Variants in MSRA observed in about 807,000 individuals in gnomAD.
MSRA encodes mitochondrial peptide methionine sulfoxide reductase.
MSRA carries 54 observed loss-of-function variants against 31.3 expected under a neutral mutation model. The ratio of observed to expected loss-of-function variants is 1.73; its 90% CI spans 1.39 to 2.17. The LOEUF (loss-of-function observed/expected upper bound fraction) is 2.17, where lower values mean the gene tolerates loss of function less well. Ranked by LOEUF, MSRA falls within the 30% of genes most tolerant of loss-of-function variation. The pLI, the probability that MSRA is intolerant of heterozygous loss-of-function variation, is 0.00. For missense variants in MSRA, 507 were observed against 300.9 expected, an observed-to-expected ratio of 1.69 and a Z score of -5.07; for synonymous variants, 169 against 116.5, an observed-to-expected ratio of 1.45 and a Z score of -2.90.
chr8:10,332,907 G>C lies in MSRA; in HGVS notation c.543+12918G>C, dbSNP rs184039699. Reference sequence around the variant, plus strand: ...TTTGTATGACTGCCCTCTGCTGGCTGTAGGCCTTTGCTGCAGTGGCAGGAT... The same window carrying C: ...TTTGTATGACTGCCCTCTGCTGGCTCTAGGCCTTTGCTGCAGTGGCAGGAT... On this transcript the variant is annotated intron_variant, in intron 5 of 5. Transcript: ENST00000317173. 2.0e-5 allele frequency among the ~76,000 whole-genome samples: 3 copies of C among 152,366 alleles called. No individual in the cohort carries two copies. The East Asian group carries it at 5.8e-4, about 29-fold the overall frequency.
In MSRA at chr8:10,254,616, A is replaced by T. The variant is rs893822063; in HGVS notation, c.331+9393A>T. Among the ~76,000 whole-genome samples the T allele has an allele frequency of 2.0e-5, 3 of 152,286 alleles. No individual in the cohort carries two copies. In the South Asian group the frequency reaches 6.2e-4, roughly 32 times the overall value. On this transcript the variant is annotated intron_variant, in intron 3 of 5. Transcript: ENST00000317173. ...GCAGCATCAGTGCTGCCCCTTACACAGGTGCCAGGGGTCAGAGACACTTGC... is the reference window on the plus strand; with the variant it reads ...GCAGCATCAGTGCTGCCCCTTACACTGGTGCCAGGGGTCAGAGACACTTGC...
At chr8:10,297,045 C>G (rs557983058) in intron 3 of MSRA, among the ~76,000 whole-genome samples, 8 of 152,286 alleles carry the variant, frequency 5.3e-5, no homozygotes, top group African/African-American at 1.9e-4. Context: ...GGATAGGAAG[C>G]TGTGCTGGAG....
intron 5 of MSRA, among the ~76,000 whole-genome samples, chr8:10,321,369 T>C (rs1802032804): frequency 6.6e-6 from 1 of 152,014 alleles, no homozygotes; most frequent in African/African-American, 2.4e-5. Flanking sequence ...AACTAGAGTG[T>C]CCACTGGTGA....
intron 1 of MSRA, among the ~76,000 whole-genome samples, chr8:10,111,930 G>A (rs957274196): frequency 6.6e-6 from 1 of 152,210 alleles, no homozygotes; most frequent in African/African-American, 2.4e-5. Context: ...TGCAGCAGCT[G>A]AGGTCATAGC....
chr8:10,289,463 T>C (rs1800116214), intron 3 of MSRA, among the ~76,000 whole-genome samples: 1 of 152,108 alleles, frequency 6.6e-6, no homozygotes, highest in African/African-American at 2.4e-5. Flanking sequence ...AGGAATCACA[T>C]CATGGAGAAT....
intron 5 of MSRA, among the ~76,000 whole-genome samples, chr8:10,351,391 C>G (rs112874264): frequency 2.0e-5 from 3 of 151,630 alleles, no homozygotes; most frequent in Non-Finnish European, 2.9e-5. Flanking sequence ...GCATCTGGGA[C>G]CACAGGCATG....
rs149353041 is a variant in MSRA, at chr8:10,179,316, T to C, written c.143-28517T>C. ...ACCAAGGACAGAAGGAAGACAGGGT[T>C]CATCTTCTCTTTCTAATCGTGGGAC... On this transcript the variant is annotated intron_variant, in intron 1 of 5. Transcript: ENST00000317173. 1.9e-4 allele frequency among the ~76,000 whole-genome samples: 29 copies of C among 152,338 alleles called. No individual in the cohort carries two copies. The East Asian group carries it at 5.6e-3, about 29-fold the overall frequency.
In MSRA at chr8:10,057,315, G is replaced by A. The variant is rs558180853; in HGVS notation, c.142+2657G>A. Reference sequence around the variant, plus strand: ...GGAGATGGTCTCATTGTGCTTCAGTGCCTGACCACCAAGCAATACTCTGAG... The same window carrying A: ...GGAGATGGTCTCATTGTGCTTCAGTACCTGACCACCAAGCAATACTCTGAG... On this transcript the variant is annotated intron_variant, in intron 1 of 5. Transcript: ENST00000317173. Among the ~76,000 whole-genome samples, 14 of 152,240 alleles carry A rather than the reference G, an allele frequency of 9.2e-5. No homozygotes were observed. The South Asian group carries it at 1.7e-3, about 18-fold the overall frequency.
rs532475695 is a variant in MSRA at position 10,063,410 on chromosome 8, G to T, written c.142+8752G>T. ...TGTCCAATGACACTCTTCAATGCTG[G>T]ACACTTGCTGTAATTTGCTGCTGGC... is the stretch of plus-strand genomic sequence containing the variant. On this transcript the variant is annotated intron_variant, in intron 1 of 5. Transcript: ENST00000317173. 2.0e-5 allele frequency among the ~76,000 whole-genome samples: 3 copies of T among 152,322 alleles called. No homozygotes were observed. In the East Asian group the frequency reaches 5.8e-4, roughly 29 times the overall value.
At chr8:10,257,728 G>A (rs997445885) in intron 3 of MSRA, among the ~76,000 whole-genome samples, 11 of 152,176 alleles carry the variant, frequency 7.2e-5, no homozygotes, top group Admixed American at 7.2e-4. Context: ...GTCTCTCCGT[G>A]TTTGGACTAA....
intron 1 of MSRA, among the ~76,000 whole-genome samples, chr8:10,129,060 C>G (rs762000827): frequency 6.6e-6 from 1 of 152,172 alleles, no homozygotes; most frequent in Admixed American, 6.5e-5. Context: ...CTCAACTCTT[C>G]GCAGTTCTAT....
At chr8:10,404,694 G>A (rs1167322784) in intron 5 of MSRA, among the ~76,000 whole-genome samples, 1 of 152,214 alleles carries the variant, frequency 6.6e-6, no homozygotes, top group Non-Finnish European at 1.5e-5. Flanking sequence ...AACACAGCCC[G>A]GCCCTCCGTG....
intron 1 of MSRA, among the ~76,000 whole-genome samples, chr8:10,060,549 TTACA>T (rs1802654704): frequency 6.6e-6 from 1 of 152,216 alleles, no homozygotes; most frequent in South Asian, 2.1e-4. Flanking sequence ...CATTTGTGAA[TTACA>T]TAACTCCACT....
At chr8:10,203,144 A>G (rs917203327) in intron 1 of MSRA, among the ~76,000 whole-genome samples, 3 of 152,186 alleles carry the variant, frequency 2.0e-5, no homozygotes, top group Non-Finnish European at 2.9e-5. Context: ...CAGGGACCTC[A>G]TGAGTGATGA....
At chr8:10,224,311 G>C (rs1810798120) in intron 2 of MSRA, among the ~76,000 whole-genome samples, 1 of 152,160 alleles carries the variant, frequency 6.6e-6, no homozygotes, top group Non-Finnish European at 1.5e-5. Context: ...TAGAATGATT[G>C]CTCCAGCCTG....
At chr8:10,217,116 C>G (rs967512664) in intron 2 of MSRA, among the ~76,000 whole-genome samples, 1 of 152,104 alleles carries the variant, frequency 6.6e-6, no homozygotes, top group Non-Finnish European at 1.5e-5. Context: ...TGTGAAATGG[C>G]GATGGATTTC....
At chr8:10,102,736 T>TCTCTGA (rs1343271899) in intron 1 of MSRA, among the ~76,000 whole-genome samples, 2 of 152,218 alleles carry the variant, frequency 1.3e-5, no homozygotes, top group African/African-American at 4.8e-5. Context: ...TAACAAACCT[T>TCTCTGA]CTCTGACACT....
At chr8:10,418,829 A>AAAAC (rs1405086991) in intron 5 of MSRA, among the ~76,000 whole-genome samples, 2 of 85,070 alleles carry the variant, frequency 2.4e-5, no homozygotes, top group East Asian at 9.3e-4. Flanking sequence ...AAAAAAAAAA[A>AAAAC]AAAAAAAAAC....
intron 3 of MSRA, among the ~76,000 whole-genome samples, chr8:10,280,915 T>C (rs961409516): frequency 1.3e-5 from 2 of 152,024 alleles, no homozygotes; most frequent in African/African-American, 4.8e-5. Context: ...AACCATAGAG[T>C]GTATGATTCT....
Sources: allele counts gnomAD v4.1 joint callset (sites outside exome capture counted in the v4.1 genomes callset), GRCh38; gene constraint gnomAD v4.1.1; transcripts MANE v1.5; gene names NCBI Gene and HGNC (gene_info 2026-07-23, HGNC 2026-07-21).